HIVEP1: variants seen among roughly 807,000 people sequenced by gnomAD.
HIVEP1 encodes the protein zinc finger protein 40.
In HIVEP1, 36 loss-of-function variants were observed where a neutral mutation model predicts 180.0. The observed-to-expected ratio is 0.20, with a 90% CI of 0.15 to 0.26. HIVEP1 has a LOEUF of 0.26. Among genes scored for constraint, HIVEP1 ranks in the 10% least tolerant of loss-of-function variants. HIVEP1 has a pLI of 1.00. For missense variants in HIVEP1, 3,143 were observed against 3,268.7 expected (o/e 0.96, Z 0.94); for synonymous variants, 1,239 against 1,239.0 (o/e 1.00, Z 0.00).
intron 3 of HIVEP1, among the ~76,000 whole-genome samples, chr6:12,110,824 C>T (rs1038116758): frequency 9.9e-5 from 15 of 152,266 alleles, no homozygotes; most frequent in African/African-American, 3.6e-4. Flanking sequence ...TCCTAGCCTT[C>T]AGCCTATCTC....
downstream of HIVEP1, among the ~76,000 whole-genome samples, chr6:12,169,286 G>T (rs1050677418): frequency 2.0e-5 from 3 of 152,146 alleles, no homozygotes; most frequent in Admixed American, 6.5e-5. Context: ...AAGTCATGAT[G>T]CATTTACTTA....
downstream of HIVEP1, among the ~76,000 whole-genome samples, chr6:12,167,832 T>C (rs1760768655): frequency 6.9e-6 from 1 of 145,014 alleles, no homozygotes; most frequent in Admixed American, 7.0e-5. Context: ...ATATAATATG[T>C]ACACATGTAC....
chr6:12,112,106 C>T (rs562136628), intron 3 of HIVEP1, among the ~76,000 whole-genome samples: 74 of 152,308 alleles, frequency 4.9e-4, no homozygotes, highest in African/African-American at 1.6e-3. Flanking sequence ...CGAATTCTCT[C>T]AGCTTTTGTT....
chr6:12,068,275 A>T (rs1771733002), intron 2 of HIVEP1, among the ~76,000 whole-genome samples: 1 of 152,024 alleles, frequency 6.6e-6, no homozygotes, highest in Admixed American at 6.6e-5. Context: ...TTTTTAGTAG[A>T]GGCGGGGTTT....
At chr6:12,096,956 A>T (rs564249236) in intron 3 of HIVEP1, among the ~76,000 whole-genome samples, 1 of 152,092 alleles carries the variant, frequency 6.6e-6, no homozygotes, top group Non-Finnish European at 1.5e-5. Context: ...AAAACTTGAT[A>T]GGCTTACCTT....
chr6:12,156,998 T>A (rs1373142798), intron 7 of HIVEP1, among the ~76,000 whole-genome samples: 1 of 152,286 alleles, frequency 6.6e-6, no homozygotes, highest in South Asian at 2.1e-4. Context: ...ATTTCGAAGC[T>A]CTATTGCGTA....
chr6:12,124,578 T>C lies in HIVEP1; in HGVS notation c.4783T>C (p.Cys1595Arg), dbSNP rs200028518. ...TTCAGATCCAGTTGGAACAGATCATTGTGTGACATCAGCAACATTACCAAC... is the reference window on the plus strand; with the variant it reads ...TTCAGATCCAGTTGGAACAGATCATCGTGTGACATCAGCAACATTACCAAC... ...VISDPVGTDHCVTSATLPTKL... is the reference protein window; with the variant it reads ...VISDPVGTDHRVTSATLPTKL... Residue 1595 changes from cysteine to arginine, a missense_variant, in exon 4 of 9, where the codon TGT (cysteine) becomes CGT (arginine). Coordinates refer to ENST00000379388, the MANE Select transcript of HIVEP1 (RefSeq NM_002114.4). The C allele has an allele frequency of 1.2e-6, 2 of 1,614,090 alleles. No homozygotes were observed. Among genetic ancestry groups the C allele is most frequent in the African/African-American group, 2.7e-5 (2 of 75,056 alleles).
chr6:12,041,420 TAA>T (rs34364704), intron 2 of HIVEP1, among the ~76,000 whole-genome samples: 5 of 52,264 alleles, frequency 9.6e-5, no homozygotes, highest in East Asian at 5.7e-4. Context: ...AGACTCCGTC[TAA>T]AAAAAAAAAA....
intron 3 of HIVEP1, among the ~76,000 whole-genome samples, chr6:12,108,074 A>C (rs1339914893): frequency 1.3e-5 from 2 of 151,810 alleles, no homozygotes; most frequent in Admixed American, 6.6e-5. Context: ...CTTGGGCTAG[A>C]TAAAGAGTGC....
chr6:12,046,984 C>T (rs560716564), intron 2 of HIVEP1, among the ~76,000 whole-genome samples: 1 of 151,352 alleles, frequency 6.6e-6, no homozygotes, highest in South Asian at 2.1e-4. Context: ...CCTCAGCCTC[C>T]CGAGTAACTG....
At chr6:12,185,275 T>A in the HIVEP1 span, among the ~76,000 whole-genome samples, 1 of 152,130 alleles carries the variant, frequency 6.6e-6, no homozygotes, top group Non-Finnish European at 1.5e-5. Flanking sequence ...TCTTGCTGGG[T>A]GGAGGGAACA....
At chr6:12,208,306 C>T in the HIVEP1 span, among the ~76,000 whole-genome samples, 1 of 152,180 alleles carries the variant, frequency 6.6e-6, no homozygotes, top group Non-Finnish European at 1.5e-5. Context: ...TCACCCCAAA[C>T]TCGCCCTGTG....
intron 7 of HIVEP1, among the ~76,000 whole-genome samples, chr6:12,153,738 A>G (rs185781469): frequency 1.3e-3 from 199 of 152,200 alleles, no homozygotes; most frequent in Middle Eastern, 6.8e-3. Flanking sequence ...GTGTCCTATT[A>G]AACAATCAGA....
In HIVEP1 at chr6:12,121,699, A is replaced by G; in HGVS notation, c.1904A>G (p.Gln635Arg). The change falls in exon 4 of 9, where the codon CAA becomes CGA. Residue 635 changes from glutamine to arginine, a missense_variant. Gln to Arg is a conservative substitution (Grantham distance 43). Coordinates refer to ENST00000379388, the MANE Select transcript of HIVEP1 (RefSeq NM_002114.4). This position sits in a 1 kb window ranked among gnomAD's most constrained non-coding sequence, Gnocchi z 5.3. ...GACATGAATCCACTGGAAGGAAAGC[A>G]AGACTCTCACGTAGGAACGGTACAC... ...KGDMNPLEGKQDSHVGTVHAQ... is the reference protein window; with the variant it reads ...KGDMNPLEGKRDSHVGTVHAQ... The G allele has an allele frequency of 6.2e-7, 1 of 1,614,224 alleles. No individual in the cohort carries two copies. Among genetic ancestry groups the G allele is most frequent in the Non-Finnish European group, 8.5e-7 (1 of 1,180,038 alleles).
In HIVEP1 at chr6:12,123,975, A is replaced by C. The variant is rs749567956; in HGVS notation, c.4180A>C (p.Thr1394Pro). Residue 1394 changes from threonine (T) to proline (P), a missense_variant, in exon 4 of 9, where the codon ACC becomes CCC. Thr to Pro is a conservative substitution (Grantham distance 38, BLOSUM62 -1). Transcript: ENST00000379388. ...RSKSFDCGSITPPQTTPLTEL... is the reference protein window; with the variant it reads ...RSKSFDCGSIPPPQTTPLTEL... ...CAAATCATTCGATTGTGGAAGCATC[A>C]CCCCACCCCAGACAACACCACTTAC... 1 of 1,613,950 alleles carries C rather than the reference A, an allele frequency of 6.2e-7. No homozygotes were observed. The highest frequency in any genetic ancestry group is 1.3e-5 in the African/African-American group (1 of 74,896).
At chr6:12,050,283 C>G (rs1463572393) in intron 2 of HIVEP1, among the ~76,000 whole-genome samples, 1 of 152,190 alleles carries the variant, frequency 6.6e-6, no homozygotes, top group Non-Finnish European at 1.5e-5. Flanking sequence ...CACATGGGCA[C>G]TGTAAAAATT....
At chr6:12,195,590 G>A in the HIVEP1 span, among the ~76,000 whole-genome samples, 3 of 152,142 alleles carry the variant, frequency 2.0e-5, no homozygotes, top group Admixed American at 6.6e-5. Flanking sequence ...AGATAAAACT[G>A]AGGCCTAAGA....
intron 2 of HIVEP1, among the ~76,000 whole-genome samples, chr6:12,065,758 T>C (rs1241255007): frequency 1.3e-5 from 2 of 151,932 alleles, no homozygotes; most frequent in African/African-American, 4.8e-5. Context: ...GAGCTCTAAG[T>C]CCAGTTTTAT....
rs1554145337 is a variant in HIVEP1 at position 12,115,377 on chromosome 6, T to TA, written c.95-4511dup. On this transcript the variant is annotated intron_variant, in intron 3 of 8. Transcript: ENST00000379388. Reference sequence around the variant, plus strand: ...TTTTTTTTTTTTTTTTTTTTTTTTTTAACAAAGTGGCCCCTGTGGTCTTTC... The same window carrying TA: ...TTTTTTTTTTTTTTTTTTTTTTTTTTAAACAAAGTGGCCCCTGTGGTCTTTC... Among the ~76,000 whole-genome samples the TA allele has an allele frequency of 6.4e-5, 8 of 125,774 alleles. No homozygotes were observed. The South Asian group carries it at 7.6e-4, about 12-fold the overall frequency. The allele number at this position is 125,774 out of a possible 152,430, so 82.5% of individuals were successfully genotyped here. A position where few individuals can be genotyped will look rare whatever the true frequency, so the allele number is the denominator to read the frequency against.
Sources: gnomAD v4.1 joint callset for allele counts (sites outside exome capture counted in the v4.1 genomes callset) on GRCh38, gnomAD v4.1.1 for gene constraint, Gnocchi (gnomAD v3.1) non-coding constraint, MANE v1.5 for transcripts, NCBI Gene and HGNC (gene_info 2026-07-23, HGNC 2026-07-21) for gene names.